Variants in NRXN3 observed in about 807,000 individuals in gnomAD.
NRXN3 encodes the protein neurexin III.
A neutral mutation model predicts 137.6 loss-of-function variants in NRXN3; 32 were observed. The observed-to-expected ratio is 0.23, with a 90% CI of 0.18 to 0.31. The LOEUF is 0.31. NRXN3 is among the 10% of genes least tolerant of loss of function. The probability of loss-of-function intolerance (pLI) is 1.00; values close to 1 mark genes in which losing one functional copy is unlikely to be tolerated. For synonymous variants in NRXN3, 798 were observed against 784.5 expected (o/e 1.02, Z -0.29); for missense variants, 1,574 against 2,062.5 (o/e 0.76, Z 4.59).
intron 19 of NRXN3, among the ~76,000 whole-genome samples, chr14:79,794,553 G>A (rs1343231025): frequency 6.6e-6 from 1 of 152,128 alleles, no homozygotes; most frequent in Non-Finnish European, 1.5e-5. Flanking sequence ...GCAACTTCTG[G>A]TTCAAAGGGA....
chr14:79,134,034 A>G (rs1445481297), intron 15 of NRXN3, among the ~76,000 whole-genome samples: 1 of 152,194 alleles, frequency 6.6e-6, no homozygotes, highest in Non-Finnish European at 1.5e-5. Flanking sequence ...CTCATTCCGT[A>G]TCTCCATCTT....
chr14:79,502,640 T>G (rs2096837095), intron 16 of NRXN3, among the ~76,000 whole-genome samples: 1 of 152,016 alleles, frequency 6.6e-6, no homozygotes, highest in Admixed American at 6.5e-5. Flanking sequence ...TCTTCTGTTT[T>G]GGTCAAGATT....
rs924864925 is a variant in NRXN3, at chr14:78,598,310, C to T, written c.758-46810C>T. ...GACACGTGAGCAAGGGTTCCTGGGA[C>T]ACTGACTGCCAAGGGGGCTCGGGAT... On this transcript the variant is annotated intron_variant, in intron 4 of 20. Coordinates refer to ENST00000335750, the MANE Select transcript of NRXN3 (RefSeq NM_001330195.2). 2.0e-5 allele frequency among the ~76,000 whole-genome samples: 3 copies of T among 152,046 alleles called. No individual in the cohort carries two copies. The East Asian group carries it at 5.8e-4, about 29-fold the overall frequency.
chr14:78,306,677 T>C (rs554842891), intron 4 of NRXN3, among the ~76,000 whole-genome samples: 2 of 152,282 alleles, frequency 1.3e-5, no homozygotes, highest in Admixed American at 1.3e-4. Context: ...ATTGTGTTTT[T>C]ATGTGTAGTT....
intron 4 of NRXN3, among the ~76,000 whole-genome samples, chr14:78,532,756 G>A (rs1398345650): frequency 6.8e-6 from 1 of 146,498 alleles, no homozygotes; most frequent in East Asian, 2.0e-4. Flanking sequence ...TTTTTCCTTC[G>A]TATCCAAATC....
intron 8 of NRXN3, among the ~76,000 whole-genome samples, chr14:78,717,181 G>GCT (rs2152855142): frequency 6.6e-6 from 1 of 152,268 alleles, no homozygotes; most frequent in African/African-American, 2.4e-5. Flanking sequence ...ATTGTCAGAG[G>GCT]CAGGACACAG....
chr14:78,744,195 G>A (rs2098596211), intron 8 of NRXN3, among the ~76,000 whole-genome samples: 1 of 152,162 alleles, frequency 6.6e-6, no homozygotes, highest in Non-Finnish European at 1.5e-5. Flanking sequence ...AGGCTGGAGT[G>A]CAGTGACGCG....
intron 16 of NRXN3, among the ~76,000 whole-genome samples, chr14:79,560,504 C>CTTTTTTTTTTTTTTTTTTTTTTTT (rs34025659): frequency 2.3e-5 from 1 of 43,768 alleles, no homozygotes; most frequent in African/African-American, 8.1e-5. Flanking sequence ...AGATTGTAAG[C>CTTTTTTTTTTTTTTTTTTTTTTTT]TTTTTTTTTT....
intron 14 of NRXN3, among the ~76,000 whole-genome samples, chr14:78,975,509 T>C (rs2099461886): frequency 6.6e-6 from 1 of 152,194 alleles, no homozygotes; most frequent in African/African-American, 2.4e-5. Context: ...AGTTGGACTT[T>C]ATCCCAAGGA....
chr14:78,327,882 G>A (rs1360751297), intron 4 of NRXN3, among the ~76,000 whole-genome samples: 2 of 152,136 alleles, frequency 1.3e-5, no homozygotes, highest in African/African-American at 4.8e-5. Flanking sequence ...TGCTAAAGGA[G>A]GATCCAGGGG....
chr14:79,711,756 C>G (rs1567974936), intron 19 of NRXN3, among the ~76,000 whole-genome samples: 2 of 152,206 alleles, frequency 1.3e-5, no homozygotes, highest in African/African-American at 2.4e-5. Flanking sequence ...CTATTGAAGC[C>G]ACCTTGCCCA....
intron 8 of NRXN3, among the ~76,000 whole-genome samples, chr14:78,720,375 G>A (rs2098454185): frequency 6.6e-6 from 1 of 152,102 alleles, no homozygotes; most frequent in Non-Finnish European, 1.5e-5. Flanking sequence ...TGAAATTCTT[G>A]AATATACTGG....
At chr14:78,364,442 C>T (rs1335223094) in intron 4 of NRXN3, among the ~76,000 whole-genome samples, 1 of 151,996 alleles carries the variant, frequency 6.6e-6, no homozygotes, top group Non-Finnish European at 1.5e-5. Context: ...TTGCAGGGTT[C>T]CTAGGTGCTA....
At chr14:79,181,633 A>T (rs2062935399) in intron 15 of NRXN3, among the ~76,000 whole-genome samples, 1 of 149,622 alleles carries the variant, frequency 6.7e-6, no homozygotes, top group Non-Finnish European at 1.5e-5. Flanking sequence ...ATCAGCCAAG[A>T]TCGCGTCACT....
chr14:78,260,722 G>A (rs1255894584), intron 2 of NRXN3, among the ~76,000 whole-genome samples: 1 of 152,140 alleles, frequency 6.6e-6, no homozygotes, highest in East Asian at 1.9e-4. Context: ...TGTGAGATGT[G>A]CCTTTCACCT....
intron 16 of NRXN3, among the ~76,000 whole-genome samples, chr14:79,590,205 G>T (rs1008542312): frequency 2.0e-5 from 3 of 151,920 alleles, no homozygotes; most frequent in African/African-American, 4.8e-5. Context: ...TGAATTATGT[G>T]GGCAGGTCTT....
chr14:79,111,945 A>G (rs2053604238), intron 15 of NRXN3, among the ~76,000 whole-genome samples: 1 of 152,190 alleles, frequency 6.6e-6, no homozygotes, highest in South Asian at 2.1e-4. Context: ...CATAATAGGA[A>G]AGGAATCCAG....
At chr14:79,527,591 G>A (rs1488513079) in intron 16 of NRXN3, among the ~76,000 whole-genome samples, 1 of 151,888 alleles carries the variant, frequency 6.6e-6, no homozygotes, top group African/African-American at 2.4e-5. Context: ...TTAAAATAGT[G>A]GCCAGGCATG....
intron 1 of NRXN3, among the ~76,000 whole-genome samples, chr14:78,195,879 A>G (rs1274451556): frequency 1.3e-5 from 2 of 152,170 alleles, no homozygotes; most frequent in Non-Finnish European, 2.9e-5. Flanking sequence ...TTCCTGCATC[A>G]TCTTATGTAG....
Sources: gnomAD v4.1 joint callset for allele counts (sites outside exome capture counted in the v4.1 genomes callset) on GRCh38, gnomAD v4.1.1 for gene constraint, MANE v1.5 for transcripts, NCBI Gene and HGNC (gene_info 2026-07-23, HGNC 2026-07-21) for gene names.